Variants in MALRD1 observed in about 807,000 individuals in gnomAD.
MALRD1 encodes MAM and LDL receptor class A domain containing 1.
MALRD1 carries 247 observed loss-of-function variants against 242.1 expected under a neutral mutation model. That is an observed-to-expected ratio of 1.02 (90% confidence interval 0.92 to 1.13). The LOEUF (loss-of-function observed/expected upper bound fraction) is 1.13. MALRD1 is among the 50% of genes most tolerant of loss of function. The pLI is 0.00. For synonymous variants in MALRD1, 995 were observed against 866.6 expected, an observed-to-expected ratio of 1.15 and a Z score of -2.60; for missense variants, 2,989 against 2,533.1, an observed-to-expected ratio of 1.18 and a Z score of -3.86.
At chr10:19,370,900 C>CT (rs1360173006) in intron 26 of MALRD1, among the ~76,000 whole-genome samples, 1 of 151,776 alleles carries the variant, frequency 6.6e-6, no homozygotes, top group Non-Finnish European at 1.5e-5. Flanking sequence ...TAATAGTCAC[C>CT]TTTTCATAAA....
chr10:19,478,424 C>G (rs974054118), intron 29 of MALRD1, among the ~76,000 whole-genome samples: 2 of 152,152 alleles, frequency 1.3e-5, no homozygotes, highest in Admixed American at 6.6e-5. Context: ...GTGCACTCCC[C>G]TCTCAATATA....
intron 2 of MALRD1, among the ~76,000 whole-genome samples, chr10:19,071,659 TC>T (rs1286012624): frequency 6.6e-6 from 1 of 152,164 alleles, no homozygotes; most frequent in Non-Finnish European, 1.5e-5. Context: ...CCTAAGCTGC[TC>T]TATGTTGCCC....
intron 5 of MALRD1, among the ~76,000 whole-genome samples, chr10:19,110,397 A>G (rs944447106): frequency 1.3e-5 from 2 of 152,216 alleles, no homozygotes; most frequent in Non-Finnish European, 2.9e-5. Context: ...CTCAGCATTT[A>G]TCAGGCGAGA....
chr10:19,175,037 C>T (rs916029091), intron 13 of MALRD1, among the ~76,000 whole-genome samples, 171 bp from the exon 14 acceptor site: 4 of 152,016 alleles, frequency 2.6e-5, no homozygotes, highest in African/African-American at 9.7e-5. Context: ...GCTGTCAAAG[C>T]AGTTATGGTT....
intron 24 of MALRD1, among the ~76,000 whole-genome samples, chr10:19,338,307 A>C (rs939646666): frequency 6.6e-6 from 1 of 152,082 alleles, no homozygotes; most frequent in Non-Finnish European, 1.5e-5. Flanking sequence ...TGCCCTAAAA[A>C]TCCTCTATGC....
chr10:19,514,294 C>G (rs954568545), intron 31 of MALRD1, among the ~76,000 whole-genome samples: 23 of 152,282 alleles, frequency 1.5e-4, no homozygotes, highest in Middle Eastern at 3.4e-3. Context: ...TTCTCAAACA[C>G]ATATTAATAA....
chr10:19,498,527 G>A lies in MALRD1; in HGVS notation c.5201G>A (p.Ser1734Asn), dbSNP rs1837827031. The A allele has an allele frequency of 2.6e-6, 4 of 1,550,328 alleles. No homozygotes were observed. In the Admixed American group the frequency reaches 7.8e-5, roughly 30 times the overall value. ...ACAGGAAGCTGCAATTTTGAAACAA[G>A]TTCAGGAAACTGGACCACAGCCTGC... ...STTGSCNFET[S>N]SGNWTTACSL... is the part of the protein sequence containing the mutation. The change falls in exon 31 of 40, where the codon AGT (serine) becomes AAT (asparagine). Residue 1734 changes from serine (S) to asparagine (N), a missense_variant. Coordinates refer to ENST00000454679, the MANE Select transcript of MALRD1 (RefSeq NM_001142308.3).
chr10:19,169,601 G>A (rs559971293), intron 13 of MALRD1, among the ~76,000 whole-genome samples: 11 of 152,068 alleles, frequency 7.2e-5, no homozygotes, highest in African/African-American at 2.6e-4. Flanking sequence ...GAAAAAAAAA[G>A]ATGCTAATAT....
In MALRD1 at chr10:19,387,510, T is replaced by C; in HGVS notation, c.4442-18T>C. ...TAGGAGTGTTCGCTCATTCTTGTTT[T>C]CTTTTGTTTTGTTTTAGGTTTCTGC... On this transcript the variant is annotated intron_variant, in intron 26 of 39. Transcript: ENST00000454679. 6.5e-7 allele frequency: 1 copy of C among 1,546,816 alleles called. No homozygotes were observed. Among genetic ancestry groups the C allele is most frequent in the Non-Finnish European group, 8.7e-7 (1 of 1,145,336 alleles).
chr10:19,725,912 AC>A (rs930566811), intron 38 of MALRD1, among the ~76,000 whole-genome samples: 3 of 152,052 alleles, frequency 2.0e-5, no homozygotes, highest in Admixed American at 2.0e-4. Context: ...ATGCAGATGG[AC>A]CCCCTACTTC....
At chr10:19,698,485 G>C (rs942925453) in intron 38 of MALRD1, among the ~76,000 whole-genome samples, 6 of 152,160 alleles carry the variant, frequency 3.9e-5, no homozygotes, top group Admixed American at 3.9e-4. Context: ...GTCTATACTA[G>C]GAGGCAACTG....
rs984144055 is a variant in MALRD1 at position 19,103,994 on chromosome 10, C to G, written c.613C>G (p.Gln205Glu). Residue 205 changes from glutamine (Q) to glutamate (E), a missense_variant, in exon 5 of 40, where the codon CAA (glutamine) becomes GAA (glutamate). By Grantham distance (29) the Gln-to-Glu change is conservative (BLOSUM62 2). Coordinates refer to ENST00000454679, the MANE Select transcript of MALRD1 (RefSeq NM_001142308.3). ...SQRFQVVFEGQMASTYEQDEV... is the reference protein window; with the variant it reads ...SQRFQVVFEGEMASTYEQDEV... ...TCTGGTGCAGGTTGTTTTTGAAGGT[C>G]AAATGGCTTCAACGTATGAACAGGA... 8.1e-7 allele frequency: 1 copy of G among 1,233,664 alleles called. No individual in the cohort carries two copies. Among genetic ancestry groups the G allele is most frequent in the Non-Finnish European group, 1.0e-6 (1 of 988,016 alleles). 76.4% of individuals were successfully genotyped at this position (1,233,664 alleles called of 1,614,324 possible). A position where few individuals can be genotyped will look rare whatever the true frequency, so the allele number is the denominator to read the frequency against.
intron 12 of MALRD1, among the ~76,000 whole-genome samples, chr10:19,159,952 A>C (rs1303174414): frequency 6.6e-6 from 1 of 152,172 alleles, no homozygotes; most frequent in African/African-American, 2.4e-5. Flanking sequence ...AAATGAAATA[A>C]TTGGAGCTTC....
rs1262075140 is a variant in MALRD1, at chr10:19,171,642, A to T, written c.1831-3566A>T. On this transcript the variant is annotated intron_variant, in intron 13 of 39. Transcript: ENST00000454679. ...TGTCTATGTGTGTATATAAATACACACACACATATATATGTCTATGTGTGT... is the reference window on the plus strand; with the variant it reads ...TGTCTATGTGTGTATATAAATACACTCACACATATATATGTCTATGTGTGT... Among the ~76,000 whole-genome samples the T allele has an allele frequency of 1.1e-4, 8 of 72,948 alleles. No homozygotes were observed. The Admixed American group carries it at 1.4e-3, about 13-fold the overall frequency. The allele number at this position is 72,948 out of a possible 152,430, so 47.9% of individuals were successfully genotyped here.
intron 32 of MALRD1, among the ~76,000 whole-genome samples, chr10:19,536,453 G>A (rs528391897): frequency 1.1e-3 from 172 of 150,182 alleles, no homozygotes; most frequent in African/African-American, 4.0e-3. Context: ...TTCTTCCTTC[G>A]TCCCTCTCGT....
intron 32 of MALRD1, 124 bp downstream of exon 32, chr10:19,531,475 C>T (rs1834414709): frequency 3.2e-6 from 3 of 948,372 alleles, no homozygotes; most frequent in Non-Finnish European, 4.4e-6. Context: ...ATTAATTTCT[C>T]ATTTCTTTCT....
chr10:19,307,427 T>TA (rs1399901603), intron 21 of MALRD1, among the ~76,000 whole-genome samples: 1 of 151,604 alleles, frequency 6.6e-6, no homozygotes, highest in Non-Finnish European at 1.5e-5. Context: ...CTGAGCTGAA[T>TA]ACAGCTAGTA....
intron 28 of MALRD1, among the ~76,000 whole-genome samples, chr10:19,396,456 C>T (rs560902813): frequency 6.6e-6 from 1 of 152,146 alleles, no homozygotes; most frequent in East Asian, 1.9e-4. Context: ...ATGTCATGTG[C>T]TAAGTCTTCC....
At chr10:19,472,097 G>A (rs1334186609) in intron 29 of MALRD1, among the ~76,000 whole-genome samples, 1 of 151,814 alleles carries the variant, frequency 6.6e-6, no homozygotes. Context: ...TAAATTTGTT[G>A]ACAAGTTTCA....
Sources: allele counts gnomAD v4.1 joint callset (sites outside exome capture counted in the v4.1 genomes callset), GRCh38; gene constraint gnomAD v4.1.1; transcripts MANE v1.5; gene names NCBI Gene and HGNC (gene_info 2026-07-23, HGNC 2026-07-21).